Variants in ABCA12 observed in about 807,000 individuals in gnomAD.
ABCA12 encodes glucosylceramide transporter ABCA12.
ABCA12 carries 156 observed loss-of-function variants against 293.5 expected under a neutral mutation model. The ratio of observed to expected loss-of-function variants is 0.53; its 90% confidence interval spans 0.47 to 0.61. The LOEUF is 0.61. Among genes scored for constraint, ABCA12 ranks in the 20% least tolerant of loss-of-function variants. ABCA12 has a pLI of 0.00. For missense variants in ABCA12, 2,797 were observed against 3,090.2 expected (o/e 0.91, Z 2.25); for synonymous variants, 1,063 against 1,108.0 (o/e 0.96, Z 0.81).
intron 2 of ABCA12, among the ~76,000 whole-genome samples, chr2:215,110,464 G>A (rs547838648): frequency 2.4e-4 from 37 of 152,306 alleles, no homozygotes; most frequent in Non-Finnish European, 4.0e-4. Flanking sequence ...GCAGTGAGCC[G>A]AAATCGCGCC....
chr2:214,943,112 T>C (rs1393959116), intron 49 of ABCA12, 95 bp from the exon 50 acceptor site: 2 of 905,574 alleles, frequency 2.2e-6, no homozygotes, highest in African/African-American at 3.3e-5. Context: ...TTATGGCACT[T>C]GGAAATACTA....
At chr2:214,975,465 C>A (rs956679378) in intron 34 of ABCA12, among the ~76,000 whole-genome samples, 2 of 152,038 alleles carry the variant, frequency 1.3e-5, no homozygotes, top group Non-Finnish European at 2.9e-5. Context: ...ATTTGTGAGA[C>A]CAATAAAAAG....
At chr2:215,071,608 G>C (rs1030014830) in intron 2 of ABCA12, among the ~76,000 whole-genome samples, 7 of 152,092 alleles carry the variant, frequency 4.6e-5, no homozygotes, top group Admixed American at 1.3e-4. Context: ...ATTAACCTAG[G>C]ACTCTATTTC....
Position 215,007,811 on chromosome 2 carries a change from T to C in ABCA12, c.2508A>G (p.Arg836=). Residue 836 remains arginine, a synonymous_variant, in exon 19 of 53, where the codon AGA becomes AGG. Transcript: ENST00000272895. The part of the protein sequence containing the change: ...NVTLRQLAEL[R]EKSQEWMDKS... ...TATCCATCCACTCTTGAGATTTTTC[T>C]CTTAATTCCGCCAGCTGTCTCAGAG... 6.2e-7 allele frequency: 1 copy of C among 1,614,050 alleles called. No individual in the cohort carries two copies. Among genetic ancestry groups the C allele is most frequent in the Admixed American group, 1.7e-5 (1 of 60,026 alleles).
intron 29 of ABCA12, 105 bp from the exon 30 acceptor site, chr2:214,982,488 G>T: frequency 1.1e-6 from 1 of 886,242 alleles, no homozygotes; most frequent in Non-Finnish European, 1.8e-6. Context: ...TAACTATTAT[G>T]TGCTCAGTAA....
intron 44 of ABCA12, 99 bp downstream of exon 44, chr2:214,953,755 A>G (rs561852352): frequency 6.9e-7 from 1 of 1,456,628 alleles, no homozygotes; most frequent in African/African-American, 1.4e-5. Flanking sequence ...AAACATTTCC[A>G]TATTACCAAT....
At chr2:214,991,132 T>C (rs762221945) in intron 23 of ABCA12, 101 bp from the exon 24 acceptor site, 5 of 1,053,142 alleles carry the variant, frequency 4.7e-6, no homozygotes, top group Non-Finnish European at 7.2e-6. Context: ...TCTCTCTGTA[T>C]ATGGAACTAG....
chr2:215,137,975 C>T (rs1703267104), intron 1 of ABCA12, among the ~76,000 whole-genome samples, 165 bp downstream of exon 1: 1 of 152,046 alleles, frequency 6.6e-6, no homozygotes. Flanking sequence ...AAGACTCGCT[C>T]CATTAGCTAT....
intron 2 of ABCA12, among the ~76,000 whole-genome samples, chr2:215,092,229 G>T (rs1702162434): frequency 6.6e-6 from 1 of 152,072 alleles, no homozygotes; most frequent in African/African-American, 2.4e-5. Flanking sequence ...CATAACTGTT[G>T]TGGGTATTGA....
At position 215,018,117 on chromosome 2, in the gene ABCA12, A is replaced by T. The variant is rs748278007; in HGVS notation, c.1673T>A (p.Met558Lys). Residue 558 changes from methionine to lysine, a missense_variant, in exon 14 of 53, where the codon ATG (methionine) becomes AAG (lysine). By Grantham distance (95) the Met-to-Lys change is moderately conservative. Transcript: ENST00000272895. Reference protein sequence around the residue: ...ASEKPGQLLEMFKNVEELKED... With the variant: ...ASEKPGQLLEKFKNVEELKED... ...TTTCAGCTCTTCAACATTTTTAAAC[A>T]TTTCTAGTAACTGACCTGCAAGAAG... The T allele has an allele frequency of 3.7e-6, 6 of 1,613,372 alleles. No homozygotes were observed. Among genetic ancestry groups the T allele is most frequent in the Non-Finnish European group, 4.2e-6 (5 of 1,179,808 alleles).
intron 41 of ABCA12, 86 bp from the exon 42 acceptor site, chr2:214,956,864 G>T (rs951693143): frequency 1.2e-6 from 1 of 869,384 alleles, no homozygotes; most frequent in Non-Finnish European, 1.9e-6. Flanking sequence ...GTTTAAAACT[G>T]CAACAAGTTG....
chr2:215,096,115 C>G (rs1288759665), intron 2 of ABCA12, among the ~76,000 whole-genome samples: 4 of 152,210 alleles, frequency 2.6e-5, no homozygotes, highest in Non-Finnish European at 5.9e-5. Context: ...GGGCAAGTTA[C>G]CTACTCATAG....
At chr2:214,962,319 C>T (rs1699136343) in intron 39 of ABCA12, 1 of 152,114 alleles carries the variant, frequency 6.6e-6, no homozygotes. Flanking sequence ...AGGCAGGAGT[C>T]AGACAGTCCT....
rs1699512836 is a variant in ABCA12, at chr2:214,976,162, T to G, written c.5129-125A>C. ...GGAAAAGCTTTTAAAGATTTGGATTTGAGGTTCAGCAATGTTATTTCTCAG... is the reference window on the plus strand; with the variant it reads ...GGAAAAGCTTTTAAAGATTTGGATTGGAGGTTCAGCAATGTTATTTCTCAG... On this transcript the variant is annotated intron_variant, in intron 33 of 52. Coordinates refer to ENST00000272895, the MANE Select transcript of ABCA12 (RefSeq NM_173076.3). 6 of 1,345,714 alleles carry G rather than the reference T, an allele frequency of 4.5e-6. No homozygotes were observed. The Admixed American group carries it at 8.0e-5, about 18-fold the overall frequency. The allele number at this position is 1,345,714 out of a possible 1,614,324, so 83.4% of individuals were successfully genotyped here.
At chr2:215,077,289 T>A (rs993136608) in intron 2 of ABCA12, among the ~76,000 whole-genome samples, 34 of 152,258 alleles carry the variant, frequency 2.2e-4, no homozygotes, top group African/African-American at 8.2e-4. Flanking sequence ...CATTCGGCCA[T>A]AACTAGGTTT....
chr2:215,031,754 T>C, intron 9 of ABCA12, 67 bp downstream of exon 9: 1 of 1,589,498 alleles, frequency 6.3e-7, no homozygotes. Context: ...CGAATTATGT[T>C]TAGAAATTGT....
At chr2:215,030,894 A>C (rs891425614) in intron 9 of ABCA12, among the ~76,000 whole-genome samples, 1 of 152,180 alleles carries the variant, frequency 6.6e-6, no homozygotes, top group Non-Finnish European at 1.5e-5. Context: ...TTGTTTTTTT[A>C]TTTGTATAGA....
At chr2:214,965,707 C>T (rs1456862641) in intron 39 of ABCA12, among the ~76,000 whole-genome samples, 1 of 151,994 alleles carries the variant, frequency 6.6e-6, no homozygotes, top group Admixed American at 6.6e-5. Flanking sequence ...GTCAGAATGG[C>T]TATTAGTAAA....
chr2:214,995,735 A>T (rs1402066142), intron 23 of ABCA12, among the ~76,000 whole-genome samples: 3 of 152,180 alleles, frequency 2.0e-5, no homozygotes, highest in Non-Finnish European at 4.4e-5. Flanking sequence ...TTTAGAACAC[A>T]TTGAGGATGT....
Sources: allele counts gnomAD v4.1 joint callset (sites outside exome capture counted in the v4.1 genomes callset), GRCh38; gene constraint gnomAD v4.1.1; transcripts MANE v1.5; gene names NCBI Gene and HGNC (gene_info 2026-07-23, HGNC 2026-07-21).